TRPV4: variants seen among roughly 807,000 people sequenced by gnomAD.
The protein encoded by TRPV4 is OSM9-like transient receptor potential channel 4.
A neutral mutation model predicts 84.1 loss-of-function variants in TRPV4; 58 were observed. The observed-to-expected ratio is 0.69, with a 90% CI of 0.56 to 0.86. The LOEUF (loss-of-function observed/expected upper bound fraction) is 0.86, where lower values mean the gene tolerates loss of function less well. Among genes scored for constraint, TRPV4 ranks in the 40% least tolerant of loss-of-function variants. TRPV4 has a pLI of 0.00. For missense variants in TRPV4, 879 were observed against 1,181.1 expected, an observed-to-expected ratio of 0.74 and a Z score of 3.75; for synonymous variants, 489 against 500.9, an observed-to-expected ratio of 0.98 and a Z score of 0.32.
At chr12:109,821,212 T>C (rs1182995959) in intron 1 of TRPV4, among the ~76,000 whole-genome samples, 2 of 152,232 alleles carry the variant, frequency 1.3e-5, no homozygotes, top group East Asian at 3.9e-4. Flanking sequence ...GTTCCCTCCC[T>C]TCTGGAATCA....
rs1890188551 is a variant in TRPV4 at position 109,793,747 on chromosome 12, A to T, written c.1585-147T>A. On this transcript the variant is annotated intron_variant, in intron 9 of 15. Transcript: ENST00000261740. This position sits in a 1 kb window ranked among gnomAD's most constrained non-coding sequence, Gnocchi z 4.0. ...GGACTCTTTCCTGTTAGAAAAGGAG[A>T]AAAAAGCAGAGATGGAGAACGTGGG... 3.4e-6 allele frequency: 3 copies of T among 873,996 alleles called. No homozygotes were observed. Among genetic ancestry groups the T allele is most frequent in the Non-Finnish European group, 5.6e-6 (3 of 536,728 alleles). The allele number at this position is 873,996 out of a possible 1,614,324, so 54.1% of individuals were successfully genotyped here. A position where few individuals can be genotyped will look rare whatever the true frequency, so the allele number is the denominator to read the frequency against.
At chr12:109,802,618 T>TTA (rs1555208545) in intron 4 of TRPV4, among the ~76,000 whole-genome samples, 14 of 100,916 alleles carry the variant, frequency 1.4e-4, no homozygotes, top group Admixed American at 2.6e-4. Flanking sequence ...TATTTTATTT[T>TTA]TTTTTTTTTG....
intron 10 of TRPV4, 93 bp from the exon 11 acceptor site, chr12:109,792,910 A>C (rs1890137605): frequency 9.7e-6 from 13 of 1,342,866 alleles, no homozygotes; most frequent in Non-Finnish European, 1.4e-5. Context: ...CCTCCAGGGT[A>C]TCAGGACTTC....
At chr12:109,818,470 C>A (rs939121391) in intron 1 of TRPV4, among the ~76,000 whole-genome samples, 4 of 152,074 alleles carry the variant, frequency 2.6e-5, no homozygotes, top group African/African-American at 9.7e-5. Context: ...AGCGACTTAC[C>A]TGAGGTCACA....
In TRPV4 at chr12:109,794,349, A is replaced by G. The variant is rs1890248344; in HGVS notation, c.1471T>C (p.Tyr491His). The change falls in exon 8 of 16, where the codon TAC (tyrosine) becomes CAC (histidine). Residue 491 changes from tyrosine to histidine, a missense_variant. Tyr to His is a moderately conservative substitution (Grantham distance 83). This residue lies in a region of TRPV4 where 521 missense variants were observed against 686.6 expected (regional missense o/e 0.76). Transcript: ENST00000261740. ...AMVIFTLTAY[Y>H]QPLEGTPPYP... The stretch of plus-strand genomic sequence containing the variant: ...CTCACTGTGCCCTCCAGCGGCTGGT[A>G]GTAGGCGGTGAGAGTGAAGATGACC... 1 of 1,612,448 alleles carries G rather than the reference A, an allele frequency of 6.2e-7. No individual in the cohort carries two copies. Among genetic ancestry groups the G allele is most frequent in the Non-Finnish European group, 8.5e-7 (1 of 1,179,976 alleles).
chr12:109,831,053 C>T (rs576694815), intron 1 of TRPV4, among the ~76,000 whole-genome samples: 1 of 152,320 alleles, frequency 6.6e-6, no homozygotes, highest in Admixed American at 6.5e-5. Flanking sequence ...AGACAAACAA[C>T]CGTGTCACTC....
chr12:109,784,180 G>T, intron 15 of TRPV4, 136 bp downstream of exon 15: 1 of 1,395,192 alleles, frequency 7.2e-7, no homozygotes, highest in Non-Finnish European at 1.0e-6. Context: ...TTCACAAGCA[G>T]CAGAGGAAGC....
At position 109,796,731 on chromosome 12, in the gene TRPV4, G is replaced by T; in HGVS notation, c.1153-27C>A. On this transcript the variant is annotated intron_variant, in intron 6 of 15. Transcript: ENST00000261740. The surrounding 1 kb of genome is among the most constrained non-coding windows in gnomAD (Gnocchi z 4.2). The stretch of plus-strand genomic sequence containing the variant: ...TGCACAGGGGGCCAGGAGGGTCAGG[G>T]GGCTCACACTGGAAAGACCCCCAGG... The T allele has an allele frequency of 6.3e-7, 1 of 1,594,326 alleles. No individual in the cohort carries two copies. The highest frequency in any genetic ancestry group is 1.1e-5 in the South Asian group (1 of 88,598).
Position 109,814,710 on chromosome 12 carries a change from C to G in TRPV4, c.87G>C (p.Glu29Asp). The stretch of plus-strand genomic sequence containing the variant: ...TGGCCAGGGAGGAGAGAGGAAAAGC[C>G]TCCCCACCTGGGGTGCCACTCTCAT... ...PGDESGTPGGEAFPLSSLANL... is the reference protein window; with the variant it reads ...PGDESGTPGGDAFPLSSLANL... The change falls in exon 2 of 16, where the codon GAG becomes GAC. Residue 29 changes from glutamate to aspartate, a missense_variant. By Grantham distance (45) the Glu-to-Asp change is conservative. This residue lies in a region of TRPV4 where 107 missense variants were observed against 99.4 expected (regional missense o/e 1.08). Transcript: ENST00000261740. This position sits in a 1 kb window ranked among gnomAD's most constrained non-coding sequence, Gnocchi z 5.4. The G allele has an allele frequency of 6.2e-7, 1 of 1,606,542 alleles. No individual in the cohort carries two copies.
chr12:109,826,635 G>C (rs1463866669), intron 1 of TRPV4, among the ~76,000 whole-genome samples: 1 of 152,076 alleles, frequency 6.6e-6, no homozygotes, highest in Non-Finnish European at 1.5e-5. Flanking sequence ...ATCCCTTTGG[G>C]GGCTACCATG....
intron 1 of TRPV4, among the ~76,000 whole-genome samples, chr12:109,824,216 C>A (rs144685716): frequency 0.029 from 4,403 of 152,034 alleles, 84 homozygotes; most frequent in Middle Eastern, 0.061. Flanking sequence ...CCGACCGCCT[C>A]GGCCTCTCAA....
chr12:109,787,789 G>T (rs1052822736), intron 13 of TRPV4, among the ~76,000 whole-genome samples: 22 of 152,148 alleles, frequency 1.4e-4, no homozygotes, highest in African/African-American at 5.3e-4. Context: ...TTCCTGGGCC[G>T]TGGGGCAGCA....
rs60159775 is a variant in TRPV4 at position 109,806,358 on chromosome 12, CT to C, written c.559+1937del. Among the ~76,000 whole-genome samples the C allele has an allele frequency of 7.5e-3, 863 of 115,532 alleles. 11 individuals carry two copies. The highest frequency in any genetic ancestry group is 0.023 in the African/African-American group (681 of 29,538). 75.8% of individuals were successfully genotyped at this position (115,532 alleles called of 152,430 possible). ...TACAGGTGTGTGCCACTAAGCCTGG[CT>C]TTTTTTTTTTTTTTTTTGTATTTTT... is the stretch of plus-strand genomic sequence containing the variant. On this transcript the variant is annotated intron_variant, in intron 3 of 15. Transcript: ENST00000261740.
rs1468134855 is a variant in TRPV4, at chr12:109,793,998, C to T, written c.1516G>A (p.Val506Met). 1.2e-6 allele frequency: 2 copies of T among 1,609,740 alleles called. No individual in the cohort carries two copies. The highest frequency in any genetic ancestry group is 2.2e-5 in the East Asian group (1 of 44,706). ...GTPPYPYRTTVDYLRLAGEVI... is the reference protein window; with the variant it reads ...GTPPYPYRTTMDYLRLAGEVI... ...TCGCCAGCCAGCCGCAGGTAGTCCA[C>T]CGTGGTGCGGTAAGGGTACGGCGGC... Residue 506 changes from valine (V) to methionine (M), a missense_variant, in exon 9 of 16, where the codon GTG becomes ATG. Around this residue, in one of 4 missense-constraint regions of TRPV4, gnomAD observed 521 missense variants for 686.6 expected, o/e 0.76. Coordinates refer to ENST00000261740, the MANE Select transcript of TRPV4 (RefSeq NM_021625.5). This position sits in a 1 kb window ranked among gnomAD's most constrained non-coding sequence, Gnocchi z 4.0.
chr12:109,825,730 C>T (rs1892234936), intron 1 of TRPV4, among the ~76,000 whole-genome samples: 1 of 152,208 alleles, frequency 6.6e-6, no homozygotes, highest in South Asian at 2.1e-4. Flanking sequence ...TGCATACGTT[C>T]CTCTACCCCA....
chr12:109,827,877 T>G (rs1166129569), intron 1 of TRPV4, among the ~76,000 whole-genome samples: 1 of 151,174 alleles, frequency 6.6e-6, no homozygotes, highest in Non-Finnish European at 1.5e-5. Context: ...CACATACACA[T>G]ACACACACAG....
At position 109,814,831 on chromosome 12, in the gene TRPV4, CA is replaced by C; in HGVS notation, c.-31-5del. ...AGGCCCGTCTGCACTGCTCAGCCTG[CA>C]AGGGAATGAAAGGGGAGTCAGGCAG... On this transcript the variant is annotated splice_polypyrimidine_tract_variant and splice_region_variant and intron_variant, in intron 1 of 15. Transcript: ENST00000261740. This position sits in a 1 kb window ranked among gnomAD's most constrained non-coding sequence, Gnocchi z 5.4. The C allele has an allele frequency of 6.5e-7, 1 of 1,534,906 alleles. No homozygotes were observed. The highest frequency in any genetic ancestry group is 8.7e-7 in the Non-Finnish European group (1 of 1,146,590).
chr12:109,816,565 G>A (rs1891855023), intron 1 of TRPV4, among the ~76,000 whole-genome samples: 1 of 152,166 alleles, frequency 6.6e-6, no homozygotes, highest in Admixed American at 6.5e-5. Context: ...ATCACTTGAA[G>A]TCAGGAGTTC....
intron 1 of TRPV4, among the ~76,000 whole-genome samples, chr12:109,818,820 G>C (rs1891972476): frequency 6.6e-6 from 1 of 152,094 alleles, no homozygotes; most frequent in East Asian, 1.9e-4. Flanking sequence ...GCACACACGT[G>C]CCAGCACTAC....
Sources: gnomAD v4.1 joint callset for allele counts (sites outside exome capture counted in the v4.1 genomes callset) on GRCh38, gnomAD v4.1.1 for gene constraint, gnomAD v4.1.1 regional missense constraint, Gnocchi (gnomAD v3.1) non-coding constraint, MANE v1.5 for transcripts, NCBI Gene and HGNC (gene_info 2026-07-23, HGNC 2026-07-21) for gene names.